OSBPL10: variants seen among roughly 807,000 people sequenced by gnomAD.
OSBPL10 encodes the protein oxysterol binding protein like 10, also known as oxysterol-binding protein-related protein 10.
In OSBPL10, 49 loss-of-function variants were observed where a neutral mutation model predicts 81.7. The observed-to-expected ratio is 0.60, with a 90% CI of 0.48 to 0.76. The LOEUF (loss-of-function observed/expected upper bound fraction) is 0.76, where lower values mean the gene tolerates loss of function less well. Among genes scored for constraint, OSBPL10 ranks in the 30% least tolerant of loss-of-function variants. The probability of loss-of-function intolerance (pLI) is 0.00; values close to 1 mark genes in which losing one functional copy is unlikely to be tolerated. For synonymous variants in OSBPL10, 419 were observed against 383.6 expected (o/e 1.09, Z -1.08); for missense variants, 923 against 987.8 (o/e 0.93, Z 0.88).
At chr3:31,771,406 C>T (rs1698376380) in intron 4 of OSBPL10, among the ~76,000 whole-genome samples, 1 of 152,130 alleles carries the variant, frequency 6.6e-6, no homozygotes, top group Non-Finnish European at 1.5e-5. Flanking sequence ...TATGCAAAGG[C>T]TGGAATGTCA....
chr3:31,685,256 G>A (rs1700762136), intron 7 of OSBPL10, among the ~76,000 whole-genome samples: 2 of 152,184 alleles, frequency 1.3e-5, no homozygotes, highest in African/African-American at 2.4e-5. Context: ...AGGCTGGAGT[G>A]CGGTGGCACA....
intron 11 of OSBPL10, 95 bp from the exon 12 acceptor site, chr3:31,662,211 T>C (rs1700086625): frequency 1.9e-6 from 3 of 1,594,242 alleles, no homozygotes; most frequent in Non-Finnish European, 2.6e-6. Flanking sequence ...GTGTCTGCCG[T>C]GTCTTAATAC....
intron 2 of OSBPL10, among the ~76,000 whole-genome samples, chr3:32,016,515 C>T (rs770089210): frequency 1.7e-4 from 26 of 152,082 alleles, no homozygotes; most frequent in Non-Finnish European, 3.1e-4. Flanking sequence ...TTAATGGGTG[C>T]AGCACACCAA....
intron 1 of OSBPL10, among the ~76,000 whole-genome samples, chr3:31,903,015 G>C (rs1481329266): frequency 6.6e-6 from 1 of 152,196 alleles, no homozygotes; most frequent in East Asian, 1.9e-4. Flanking sequence ...GACATTGCCA[G>C]TCCCATGCCC....
intron 1 of OSBPL10, among the ~76,000 whole-genome samples, chr3:31,965,430 A>ATATAAAATATATAT (rs1698300765): frequency 1.2e-5 from 1 of 81,644 alleles, no homozygotes; most frequent in African/African-American, 9.6e-5. Context: ...ATAATAGATA[A>ATATAAAATATATAT]TATATAATAT....
intron 4 of OSBPL10, 24 bp from the exon 5 acceptor site, chr3:31,748,144 G>C (rs1391069410): frequency 6.3e-7 from 1 of 1,589,298 alleles, no homozygotes; most frequent in Admixed American, 1.8e-5. Context: ...AGACAGTAAG[G>C]AGGTGAGGGG....
At position 31,747,862 on chromosome 3, in the gene OSBPL10, C is replaced by G. The variant is rs557131614; in HGVS notation, c.940+48G>C. On this transcript the variant is annotated intron_variant, in intron 5 of 11. Coordinates refer to ENST00000396556, the MANE Select transcript of OSBPL10 (RefSeq NM_017784.5). ...GGAGGAAGACAGTGGGACACAGACA[C>G]AGTGTGTGTACTCATCCCAAACATG... The G allele has an allele frequency of 2.6e-6, 4 of 1,550,170 alleles. No individual in the cohort carries two copies. The South Asian group carries it at 4.5e-5, about 17-fold the overall frequency.
chr3:32,052,920 G>A (rs998919007), intron 1 of OSBPL10, among the ~76,000 whole-genome samples: 7 of 152,042 alleles, frequency 4.6e-5, no homozygotes, highest in African/African-American at 1.5e-4. Flanking sequence ...GTGTACCTAC[G>A]TAACAAACCT....
rs182678641 is a variant in OSBPL10 at position 31,966,666 on chromosome 3, A to G, written c.281+14233T>C. Among the ~76,000 whole-genome samples, 260 of 152,268 alleles carry G rather than the reference A, an allele frequency of 1.7e-3. 1 individual carries two copies. Among genetic ancestry groups the G allele is most frequent in the African/African-American group, 5.9e-3 (244 of 41,544 alleles). ...AAGCAACTCTACATACCTAAATTCAACAACTTATAAAAAATGGATCACTTC... is the reference window on the plus strand; with the variant it reads ...AAGCAACTCTACATACCTAAATTCAGCAACTTATAAAAAATGGATCACTTC... On this transcript the variant is annotated intron_variant, in intron 1 of 11. Transcript: ENST00000396556.
At chr3:31,956,924 G>A (rs1174444329) in intron 1 of OSBPL10, among the ~76,000 whole-genome samples, 1 of 152,028 alleles carries the variant, frequency 6.6e-6, no homozygotes, top group African/African-American at 2.4e-5. Flanking sequence ...CTTGAGTCCA[G>A]AAGTTCAAGA....
At chr3:32,007,353 A>C (rs796932092) in intron 2 of OSBPL10, among the ~76,000 whole-genome samples, 39 of 152,252 alleles carry the variant, frequency 2.6e-4, no homozygotes, top group African/African-American at 9.1e-4. Context: ...ACTACCCCAA[A>C]CTTGTTTTAA....
chr3:31,670,262 G>C (rs1021813347), intron 9 of OSBPL10, among the ~76,000 whole-genome samples: 5 of 152,222 alleles, frequency 3.3e-5, no homozygotes, highest in Admixed American at 1.3e-4. Flanking sequence ...CAGTAGAGCT[G>C]TGCTAAAAGA....
chr3:31,809,549 G>A (rs1405935339), intron 4 of OSBPL10, among the ~76,000 whole-genome samples: 4 of 152,152 alleles, frequency 2.6e-5, no homozygotes, highest in African/African-American at 9.7e-5. Context: ...GGGTGGTGGT[G>A]GACACGGAGG....
intron 3 of OSBPL10, among the ~76,000 whole-genome samples, chr3:31,866,654 A>C (rs1701190310): frequency 6.6e-6 from 1 of 152,152 alleles, no homozygotes; most frequent in African/African-American, 2.4e-5. Context: ...CACTGGTGTC[A>C]GCTATCATTG....
intron 2 of OSBPL10, among the ~76,000 whole-genome samples, chr3:32,010,822 G>C (rs947189209): frequency 1.3e-5 from 2 of 152,204 alleles, no homozygotes; most frequent in African/African-American, 4.8e-5. Context: ...AGGGTCCTGT[G>C]CCCATGGAGC....
At chr3:31,737,787 T>G (rs1697227942) in intron 5 of OSBPL10, among the ~76,000 whole-genome samples, 1 of 151,466 alleles carries the variant, frequency 6.6e-6, no homozygotes, top group Non-Finnish European at 1.5e-5. Context: ...AGGTCAGGAG[T>G]TCGAGACCAG....
At chr3:31,815,089 G>C (rs1699804192) in intron 4 of OSBPL10, among the ~76,000 whole-genome samples, 1 of 151,916 alleles carries the variant, frequency 6.6e-6, no homozygotes. Context: ...AATCTGAAGT[G>C]GCCACACTGG....
chr3:32,044,281 T>C (rs905608870), intron 2 of OSBPL10, among the ~76,000 whole-genome samples: 6 of 151,448 alleles, frequency 4.0e-5, no homozygotes, highest in African/African-American at 4.8e-5. Context: ...TCTTTCGTAA[T>C]ATAAGATTCA....
chr3:31,963,209 G>A (rs899082521), intron 1 of OSBPL10, among the ~76,000 whole-genome samples: 3 of 149,228 alleles, frequency 2.0e-5, no homozygotes, highest in Non-Finnish European at 4.5e-5. Flanking sequence ...TCCCTTCCCC[G>A]TCCTTCCTTC....
Sources: gnomAD v4.1 joint callset for allele counts (sites outside exome capture counted in the v4.1 genomes callset) on GRCh38, gnomAD v4.1.1 for gene constraint, MANE v1.5 for transcripts, NCBI Gene and HGNC (gene_info 2026-07-23, HGNC 2026-07-21) for gene names.